Variants in NECTIN3 observed in about 807,000 individuals in gnomAD.
The protein encoded by NECTIN3 is nectin cell adhesion molecule 3, also known as nectin-3.
Under a neutral mutation model 49.4 loss-of-function variants are expected in NECTIN3, and 8 were observed. The ratio of observed to expected loss-of-function variants is 0.16; its 90% confidence interval spans 0.10 to 0.29. The LOEUF (loss-of-function observed/expected upper bound fraction) is 0.29. Ranked by LOEUF, NECTIN3 falls within the 10% of genes least tolerant of loss-of-function variation. The pLI is 1.00. For missense variants in NECTIN3, 581 were observed against 654.6 expected, an observed-to-expected ratio of 0.89 and a Z score of 1.23; for synonymous variants, 277 against 241.1, an observed-to-expected ratio of 1.15 and a Z score of -1.38.
chr3:111,137,447 TTTG>T lies in NECTIN3; in HGVS notation c.*3235_*3237del. 1.1e-6 allele frequency: 1 copy of T among 951,392 alleles called. No individual in the cohort carries two copies. The highest frequency in any genetic ancestry group is 1.8e-5 in the African/African-American group (1 of 55,014). 58.9% of individuals were successfully genotyped at this position (951,392 alleles called of 1,614,324 possible). ...TTTTGTTGTGTTTGGTGTTTTTTGT[TTTG>T]TTTTGTTTTGTTTTGTTTTTTCTTT... On this transcript the variant is annotated 3_prime_UTR_variant, in exon 6 of 6. Coordinates refer to ENST00000485303, the MANE Select transcript of NECTIN3 (RefSeq NM_015480.3).
At chr3:111,084,170 G>A (rs1026969819) in intron 1 of NECTIN3, among the ~76,000 whole-genome samples, 4 of 152,194 alleles carry the variant, frequency 2.6e-5, no homozygotes, top group African/African-American at 9.6e-5. Flanking sequence ...AAGATGTTGA[G>A]ACACTTCCAG....
At chr3:111,080,568 G>A (rs2031529241) in intron 1 of NECTIN3, among the ~76,000 whole-genome samples, 1 of 151,602 alleles carries the variant, frequency 6.6e-6, no homozygotes, top group Admixed American at 6.6e-5. Context: ...CAGATACTTA[G>A]AATACTTTTT....
At chr3:111,074,561 A>G (rs1400947559) in intron 1 of NECTIN3, among the ~76,000 whole-genome samples, 2 of 152,148 alleles carry the variant, frequency 1.3e-5, no homozygotes, top group African/African-American at 4.8e-5. Context: ...ATATCCATCA[A>G]AACTGGTGGA....
chr3:111,114,161 A>C (rs1019051649), intron 2 of NECTIN3, among the ~76,000 whole-genome samples: 30 of 152,106 alleles, frequency 2.0e-4, no homozygotes, highest in Non-Finnish European at 1.8e-4. Context: ...TGTTGTCCAC[A>C]CCTACTTTTC....
At chr3:111,109,358 A>G (rs2033357409) in intron 1 of NECTIN3, among the ~76,000 whole-genome samples, 1 of 152,152 alleles carries the variant, frequency 6.6e-6, no homozygotes, top group African/African-American at 2.4e-5. Context: ...AAGGGGATAA[A>G]ATAAAAACTA....
intron 7 of NECTIN3, among the ~76,000 whole-genome samples, chr3:111,172,861 T>C (rs1019906836): frequency 2.0e-5 from 3 of 152,194 alleles, no homozygotes; most frequent in African/African-American, 7.2e-5. Context: ...CCCTATATTA[T>C]CCAGTTTCCT....
At chr3:111,186,229 A>C (rs1167162923) in intron 7 of NECTIN3, among the ~76,000 whole-genome samples, 1 of 152,154 alleles carries the variant, frequency 6.6e-6, no homozygotes, top group Non-Finnish European at 1.5e-5. Context: ...TATGGAACCA[A>C]AAAAGAGTTT....
At chr3:111,093,988 C>G (rs1428182061) in intron 1 of NECTIN3, among the ~76,000 whole-genome samples, 1 of 152,044 alleles carries the variant, frequency 6.6e-6, no homozygotes, top group East Asian at 1.9e-4. Flanking sequence ...TTTAGAATAT[C>G]AAATTGTGAC....
Position 111,137,193 on chromosome 3 carries a change from CAAGT to C in NECTIN3, c.*2982_*2985del, listed in dbSNP as rs2034609495. ...ATACTGCTAAAACACAGTATATGAACAAGTAAGAAGTTTATGTATGAAAGTAATC... is the reference window on the plus strand; with the variant it reads ...ATACTGCTAAAACACAGTATATGAACAAGAAGTTTATGTATGAAAGTAATC... On this transcript the variant is annotated 3_prime_UTR_variant, in exon 6 of 6. Transcript: ENST00000485303. The C allele has an allele frequency of 8.6e-6, 8 of 935,200 alleles. No individual in the cohort carries two copies. The highest frequency in any genetic ancestry group is 7.6e-6 in the Non-Finnish European group (6 of 784,628). The allele number at this position is 935,200 out of a possible 1,614,324, so 57.9% of individuals were successfully genotyped here. A position where few individuals can be genotyped will look rare whatever the true frequency, so the allele number is the denominator to read the frequency against.
rs980330294 is a variant in NECTIN3 at position 111,167,558 on chromosome 3, A to T, written c.1221+20074A>T. 5.3e-5 allele frequency among the ~76,000 whole-genome samples: 8 copies of T among 152,312 alleles called. No homozygotes were observed. In the East Asian group the frequency reaches 1.3e-3, roughly 26 times the overall value. Reference sequence around the variant, plus strand: ...AATAAAAGCTCAATTTTTTATATTGAGTATAAAAGCTGGTGCATTGTAGAT... The same window carrying T: ...AATAAAAGCTCAATTTTTTATATTGTGTATAAAAGCTGGTGCATTGTAGAT... On this transcript the variant is annotated intron_variant, in intron 7 of 8. Transcript: ENST00000493615.
intron 1 of NECTIN3, among the ~76,000 whole-genome samples, chr3:111,085,239 G>A (rs1351539007): frequency 1.3e-5 from 2 of 152,196 alleles, no homozygotes; most frequent in South Asian, 4.1e-4. Context: ...GACACTAGAG[G>A]TGAGGGCTTC....
chr3:111,142,910 G>C (rs1024733473), intron 5 of NECTIN3, among the ~76,000 whole-genome samples: 3 of 151,876 alleles, frequency 2.0e-5, no homozygotes, highest in African/African-American at 7.2e-5. Flanking sequence ...AAATTTCCAA[G>C]AGAGGAAGAC....
chr3:111,184,360 A>G (rs2035682226), intron 7 of NECTIN3, among the ~76,000 whole-genome samples: 1 of 152,160 alleles, frequency 6.6e-6, no homozygotes, highest in African/African-American at 2.4e-5. Flanking sequence ...CTGTTGATCT[A>G]ATCACCTTCT....
At chr3:111,162,718 T>A (rs1282200946) in intron 7 of NECTIN3, among the ~76,000 whole-genome samples, 1 of 152,178 alleles carries the variant, frequency 6.6e-6, no homozygotes, top group Non-Finnish European at 1.5e-5. Flanking sequence ...ATAATAAGGA[T>A]TCCCTTTCTC....
intron 7 of NECTIN3, among the ~76,000 whole-genome samples, chr3:111,153,085 A>G (rs565251237): frequency 3.9e-5 from 6 of 152,058 alleles, no homozygotes; most frequent in Non-Finnish European, 8.8e-5. Context: ...TTTCCAAATT[A>G]TAGAGAAGTA....
chr3:111,144,806 C>A, intron 5 of NECTIN3: 2 of 1,351,832 alleles, frequency 1.5e-6, no homozygotes, highest in South Asian at 3.0e-5. Flanking sequence ...TAACATACTT[C>A]AGTCAAATAG....
At chr3:111,177,371 AG>A (rs2035549806) in intron 7 of NECTIN3, among the ~76,000 whole-genome samples, 1 of 152,198 alleles carries the variant, frequency 6.6e-6, no homozygotes, top group Admixed American at 6.5e-5. Context: ...AGATTTGGGA[AG>A]GCCCATATTA....
intron 5 of NECTIN3, among the ~76,000 whole-genome samples, chr3:111,142,616 A>G (rs1276089961): frequency 6.6e-6 from 1 of 151,844 alleles, no homozygotes; most frequent in African/African-American, 2.4e-5. Flanking sequence ...AAATTAAGAG[A>G]TTAAAAGTCT....
At chr3:111,145,620 T>C (rs567734235) in intron 6 of NECTIN3, among the ~76,000 whole-genome samples, 27 of 152,334 alleles carry the variant, frequency 1.8e-4, no homozygotes, top group Admixed American at 1.8e-3. Context: ...AGATGACCAG[T>C]GTCTCAGTTC....
Sources: allele counts gnomAD v4.1 joint callset (sites outside exome capture counted in the v4.1 genomes callset), GRCh38; gene constraint gnomAD v4.1.1; transcripts MANE v1.5; gene names NCBI Gene and HGNC (gene_info 2026-07-23, HGNC 2026-07-21).